The following TNNI1 variants were observed in gnomAD, a reference collection of about 807,000 sequenced individuals.
TNNI1 encodes troponin I, slow skeletal muscle.
In TNNI1, 14 loss-of-function variants were observed where a neutral mutation model predicts 26.7. That is an observed-to-expected ratio of 0.52 (90% confidence interval 0.35 to 0.82). The LOEUF is 0.82. TNNI1 is among the 40% of genes least tolerant of loss of function. The pLI is 0.01. For synonymous variants in TNNI1, 79 were observed against 98.2 expected (o/e 0.80, Z 1.16); for missense variants, 164 against 257.0 (o/e 0.64, Z 2.47).
chr1:201,414,660 C>A lies in TNNI1; in HGVS notation c.58-11G>T. 1 of 1,611,304 alleles carries A rather than the reference C, an allele frequency of 6.2e-7. No individual in the cohort carries two copies. The highest frequency in any genetic ancestry group is 8.5e-7 in the Non-Finnish European group (1 of 1,178,660). On this transcript the variant is annotated splice_polypyrimidine_tract_variant and intron_variant, in intron 4 of 8. Transcript: ENST00000361379. ...GGCCAGCATCAGGCTCTGGACAGGA[C>A]ACACCTGCTGAGCTGGGGGCCTCAC...
rs1361662978 is a variant in TNNI1 at position 201,406,738 on chromosome 1, C to T, written c.*2515G>A. ...GCCCCTTCCATAGATCCCTCTCCCACCCCCAAGCTCTCCTTCCCCTTGTCC... is the reference window on the plus strand; with the variant it reads ...GCCCCTTCCATAGATCCCTCTCCCATCCCCAAGCTCTCCTTCCCCTTGTCC... On this transcript the variant is annotated 3_prime_UTR_variant, in exon 9 of 9. Coordinates refer to ENST00000361379, the MANE Select transcript of TNNI1 (RefSeq NM_003281.4). 6 of 152,500 alleles carry T rather than the reference C, an allele frequency of 3.9e-5. No individual in the cohort carries two copies. The highest frequency in any genetic ancestry group is 8.8e-5 in the Non-Finnish European group (6 of 68,244). The allele number at this position is 152,500 out of a possible 1,614,324, so 9.4% of individuals were successfully genotyped here. A position where few individuals can be genotyped will look rare whatever the true frequency, so the allele number is the denominator to read the frequency against.
intron 2 of TNNI1, among the ~76,000 whole-genome samples, chr1:201,417,485 G>A (rs534360619): frequency 6.6e-6 from 1 of 152,256 alleles, no homozygotes; most frequent in Admixed American, 6.5e-5. Context: ...TTCACCTACT[G>A]CACCAGTGTT....
At chr1:201,420,290 C>T (rs1041189393) in intron 1 of TNNI1, among the ~76,000 whole-genome samples, 5 of 152,240 alleles carry the variant, frequency 3.3e-5, no homozygotes, top group Admixed American at 2.0e-4. Flanking sequence ...ACCCCTCAGA[C>T]GGGGGCCCTT....
At chr1:201,410,261 G>T in intron 8 of TNNI1, 65 bp downstream of exon 8, 1 of 1,437,152 alleles carries the variant, frequency 7.0e-7, no homozygotes, top group Non-Finnish European at 9.8e-7. Context: ...CCTGCCCATT[G>T]TGGACTCCCT....
chr1:201,415,732 A>T (rs145619589), intron 3 of TNNI1, among the ~76,000 whole-genome samples: 1 of 152,360 alleles, frequency 6.6e-6, no homozygotes, highest in East Asian at 1.9e-4. Context: ...TAAGCTGTGA[A>T]TTTCCCAAAT....
rs1041341887 is a variant in TNNI1 at position 201,406,728 on chromosome 1, C to G, written c.*2525G>C. 3 of 152,438 alleles carry G rather than the reference C, an allele frequency of 2.0e-5. No individual in the cohort carries two copies. The highest frequency in any genetic ancestry group is 7.2e-5 in the African/African-American group (3 of 41,460). 9.4% of individuals were successfully genotyped at this position (152,438 alleles called of 1,614,324 possible). ...GGCTACAACAGCCCCTTCCATAGAT[C>G]CCTCTCCCACCCCCAAGCTCTCCTT... On this transcript the variant is annotated 3_prime_UTR_variant, in exon 9 of 9. Transcript: ENST00000361379.
At chr1:201,414,748 C>T in intron 4 of TNNI1, 99 bp from the exon 5 acceptor site, 1 of 1,551,608 alleles carries the variant, frequency 6.4e-7, no homozygotes, top group Non-Finnish European at 8.7e-7. Flanking sequence ...ACTCTGAGAC[C>T]ACTGTCCAGT....
chr1:201,410,124 C>T, intron 8 of TNNI1: 1 of 514,970 alleles, frequency 1.9e-6, no homozygotes, highest in South Asian at 3.0e-5. Flanking sequence ...AAAAGGGCCG[C>T]CAAACAGAAA....
chr1:201,406,034 G>A lies in TNNI1; in HGVS notation c.*3219C>T, dbSNP rs1039931340. 1.3e-5 allele frequency: 2 copies of A among 152,332 alleles called. No homozygotes were observed. The highest frequency in any genetic ancestry group is 4.8e-5 in the African/African-American group (2 of 41,424). 9.4% of individuals were successfully genotyped at this position (152,332 alleles called of 1,614,324 possible). ...ATCTCCTTTGAATGTTTCCCCTTTGGTGCGGGTGTGTGGGGACTCCCCAGG... is the reference window on the plus strand; with the variant it reads ...ATCTCCTTTGAATGTTTCCCCTTTGATGCGGGTGTGTGGGGACTCCCCAGG... On this transcript the variant is annotated 3_prime_UTR_variant, in exon 9 of 9. Transcript: ENST00000361379.
chr1:201,410,354 C>T lies in TNNI1; in HGVS notation c.538G>A (p.Ala180Thr), dbSNP rs1255719647. ...TATTGTGAGGTCGGAGACTTGGCGGCATCAAACATCTTCTTCCGGCCTTCC... is the reference window on the plus strand; with the variant it reads ...TATTGTGAGGTCGGAGACTTGGCGGTATCAAACATCTTCTTCCGGCCTTCC... ...GMEGRKKMFD[A>T]AKSPTSQ The change falls in exon 8 of 9, where the codon GCC becomes ACC. Residue 180 changes from alanine (A) to threonine (T), a missense_variant. Transcript: ENST00000361379. 1 of 1,614,214 alleles carries T rather than the reference C, an allele frequency of 6.2e-7. No individual in the cohort carries two copies. The highest frequency in any genetic ancestry group is 1.7e-5 in the Admixed American group (1 of 60,030).
intron 2 of TNNI1, 29 bp downstream of exon 2, chr1:201,417,754 G>C (rs756286395): frequency 1.5e-6 from 2 of 1,313,724 alleles, no homozygotes; most frequent in Non-Finnish European, 2.0e-6. Flanking sequence ...TGCCTTCCTG[G>C]GGCCCCAGAT....
In TNNI1 at chr1:201,413,078, T is replaced by G. The variant is rs1463076821; in HGVS notation, c.233A>C (p.Glu78Ala). The G allele has an allele frequency of 6.2e-7, 1 of 1,614,132 alleles. No homozygotes were observed. The highest frequency in any genetic ancestry group is 8.5e-7 in the Non-Finnish European group (1 of 1,179,992). Reference sequence around the variant, plus strand: ...TTTGGCCTCAATGTCGTATCGCTCCTCATCCACCACCTCCACCTTGGCGTG... The same window carrying G: ...TTTGGCCTCAATGTCGTATCGCTCCGCATCCACCACCTCCACCTTGGCGTG... ...ELHAKVEVVDEERYDIEAKCL... is the reference protein window; with the variant it reads ...ELHAKVEVVDAERYDIEAKCL... Residue 78 changes from glutamate (E) to alanine (A), a missense_variant, in exon 6 of 9, where the codon GAG (glutamate) becomes GCG (alanine). By Grantham distance (107) the Glu-to-Ala change is moderately radical. Coordinates refer to ENST00000361379, the MANE Select transcript of TNNI1 (RefSeq NM_003281.4).
rs201090247 is a variant in TNNI1, at chr1:201,410,341, G to A, written c.551C>T (p.Pro184Leu). 43 of 1,614,082 alleles carry A rather than the reference G, an allele frequency of 2.7e-5. No individual in the cohort carries two copies. Among genetic ancestry groups the A allele is most frequent in the South Asian group, 4.4e-5 (4 of 91,064 alleles). ...CTCTAGGTACCTCTATTGTGAGGTCGGAGACTTGGCGGCATCAAACATCTT... is the reference window on the plus strand; with the variant it reads ...CTCTAGGTACCTCTATTGTGAGGTCAGAGACTTGGCGGCATCAAACATCTT... ...RKKMFDAAKS[P>L]TSQ The change falls in exon 8 of 9, where the codon CCG (proline) becomes CTG (leucine). Residue 184 changes from proline to leucine, a missense_variant. By Grantham distance (98) the Pro-to-Leu change is moderately conservative. Transcript: ENST00000361379.
Position 201,408,665 on chromosome 1 carries a change from T to G in TNNI1, c.*588A>C, listed in dbSNP as rs889429338. On this transcript the variant is annotated 3_prime_UTR_variant, in exon 9 of 9. Coordinates refer to ENST00000361379, the MANE Select transcript of TNNI1 (RefSeq NM_003281.4). Reference sequence around the variant, plus strand: ...AGCTGAGCATCCTGGGTGGTGAGTGTGTGCAGTGTGACGTCACAGGGACTG... The same window carrying G: ...AGCTGAGCATCCTGGGTGGTGAGTGGGTGCAGTGTGACGTCACAGGGACTG... 2 of 152,450 alleles carry G rather than the reference T, an allele frequency of 1.3e-5. No homozygotes were observed. The highest frequency in any genetic ancestry group is 2.9e-5 in the Non-Finnish European group (2 of 68,162). The allele number at this position is 152,450 out of a possible 1,614,324, so 9.4% of individuals were successfully genotyped here.
rs778086507 is a variant in TNNI1 at position 201,415,228 on chromosome 1, G to A, written c.42C>T (p.Arg14=). The A allele has an allele frequency of 1.9e-6, 3 of 1,614,088 alleles. No homozygotes were observed. The highest frequency in any genetic ancestry group is 2.5e-6 in the Non-Finnish European group (3 of 1,180,010). The change falls in exon 4 of 9, where the codon CGC becomes CGT. Residue 14 remains arginine (R), a synonymous_variant. Coordinates refer to ENST00000361379, the MANE Select transcript of TNNI1 (RefSeq NM_003281.4). The part of the protein sequence containing the change: ...VERKPKITAS[R]KLLLKSLMLA... ...CCAGCCTCACCTTCAGCAAGAGTTT[G>A]CGGGAGGCAGTGATCTTGGGTTTTC...
At chr1:201,409,420 C>T (rs1010836819) in intron 8 of TNNI1, among the ~76,000 whole-genome samples, 170 bp from the exon 9 acceptor site, 2 of 152,190 alleles carry the variant, frequency 1.3e-5, no homozygotes, top group African/African-American at 4.8e-5. Flanking sequence ...TCTCGGCCCT[C>T]GGGCACAGTT....
In TNNI1 at chr1:201,405,130, C is replaced by T. The variant is rs1222616151; in HGVS notation, c.*4123G>A. The T allele has an allele frequency of 6.6e-6, 1 of 152,328 alleles. No homozygotes were observed. The highest frequency in any genetic ancestry group is 1.5e-5 in the Non-Finnish European group (1 of 68,084). 9.4% of individuals were successfully genotyped at this position (152,328 alleles called of 1,614,324 possible). ...TTGCCTCTGGCCAGGAGACCAAAGC[C>T]CTGTCCACATCCAATTTCCTCAGAC... is the stretch of plus-strand genomic sequence containing the variant. On this transcript the variant is annotated 3_prime_UTR_variant, in exon 9 of 9. Transcript: ENST00000361379.
intron 2 of TNNI1, 48 bp from the exon 3 acceptor site, chr1:201,417,167 G>C: frequency 6.2e-7 from 1 of 1,613,538 alleles, no homozygotes; most frequent in Non-Finnish European, 8.5e-7. Flanking sequence ...AGAACACAGA[G>C]TGAGTATGAA....
At chr1:201,413,744 C>CA (rs879315625) in intron 5 of TNNI1, among the ~76,000 whole-genome samples, 83 of 144,282 alleles carry the variant, frequency 5.8e-4, no homozygotes, top group East Asian at 1.4e-3. Flanking sequence ...GACTCTGCCT[C>CA]AAAAAAAAAA....
Sources: gnomAD v4.1 joint callset for allele counts (sites outside exome capture counted in the v4.1 genomes callset) on GRCh38, gnomAD v4.1.1 for gene constraint, MANE v1.5 for transcripts, NCBI Gene and HGNC (gene_info 2026-07-23, HGNC 2026-07-21) for gene names.